The following NRXN3 variants were observed in gnomAD, a reference collection of about 807,000 sequenced individuals.
The protein encoded by NRXN3 is neurexin 3, also known as neurexin III.
NRXN3 carries 32 observed loss-of-function variants against 137.6 expected under a neutral mutation model. The ratio of observed to expected loss-of-function variants is 0.23; its 90% CI spans 0.18 to 0.31. NRXN3 has a LOEUF of 0.31. Among genes scored for constraint, NRXN3 ranks in the 10% least tolerant of loss-of-function variants. The pLI, the probability that NRXN3 is intolerant of heterozygous loss-of-function variation, is 1.00. For missense variants in NRXN3, 1,574 were observed against 2,062.5 expected (o/e 0.76, Z 4.59); for synonymous variants, 798 against 784.5 (o/e 1.02, Z -0.29).
At chr14:78,916,795 G>T (rs890929991) in intron 10 of NRXN3, among the ~76,000 whole-genome samples, 2 of 152,294 alleles carry the variant, frequency 1.3e-5, no homozygotes, top group East Asian at 1.9e-4. Flanking sequence ...TCGCAGTTCT[G>T]CAGGGTGGAC....
chr14:79,104,796 G>A (rs762800724), intron 15 of NRXN3, among the ~76,000 whole-genome samples: 1 of 148,182 alleles, frequency 6.7e-6, no homozygotes, highest in Non-Finnish European at 1.5e-5. Flanking sequence ...TTTTTCTGGG[G>A]TTTGTAAAAT....
intron 15 of NRXN3, among the ~76,000 whole-genome samples, chr14:79,227,957 C>A (rs901950672): frequency 2.0e-5 from 3 of 151,886 alleles, no homozygotes; most frequent in African/African-American, 7.3e-5. Flanking sequence ...ACATCTTTCC[C>A]CAAAGCAATA....
chr14:79,357,549 G>A (rs974011642), intron 15 of NRXN3, among the ~76,000 whole-genome samples: 7 of 152,030 alleles, frequency 4.6e-5, no homozygotes, highest in Non-Finnish European at 1.0e-4. Context: ...TGACTTCCAG[G>A]TGACCCACTT....
chr14:79,094,979 A>AGAGTGTGTGT lies in NRXN3; in HGVS notation c.3262+106839_3262+106840insAGTGTGTGTG, dbSNP rs553957969. Among the ~76,000 whole-genome samples, 1,123 of 115,902 alleles carry AGAGTGTGTGT rather than the reference A, an allele frequency of 9.7e-3. 9 individuals are homozygous for AGAGTGTGTGT. Among genetic ancestry groups the AGAGTGTGTGT allele is most frequent in the South Asian group, 0.015 (44 of 2,936 alleles). 76.0% of individuals were successfully genotyped at this position (115,902 alleles called of 152,430 possible). On this transcript the variant is annotated intron_variant, in intron 15 of 20. Coordinates refer to ENST00000335750, the MANE Select transcript of NRXN3 (RefSeq NM_001330195.2). Reference sequence around the variant, plus strand: ...GAGAGAGAGAGAGAGAGAGAGAGAGAGTGTGTGTGTGTGTGTGTGTGTGTG... The same window carrying AGAGTGTGTGT: ...GAGAGAGAGAGAGAGAGAGAGAGAGAGAGTGTGTGTGTGTGTGTGTGTGTGTGTGTGTGTG...
At chr14:79,030,096 G>T (rs2099605123) in intron 15 of NRXN3, among the ~76,000 whole-genome samples, 1 of 133,020 alleles carries the variant, frequency 7.5e-6, no homozygotes, top group Non-Finnish European at 1.6e-5. Context: ...TGCTCAAGCT[G>T]GTCTTGAACT....
intron 4 of NRXN3, among the ~76,000 whole-genome samples, chr14:78,508,504 G>A (rs553827982): frequency 2.0e-5 from 3 of 152,254 alleles, no homozygotes; most frequent in Admixed American, 6.5e-5. Flanking sequence ...TTTTAAGGCT[G>A]TTTTATAGGT....
chr14:79,418,298 A>C (rs1047427378), intron 15 of NRXN3, among the ~76,000 whole-genome samples: 9 of 152,066 alleles, frequency 5.9e-5, no homozygotes, highest in African/African-American at 2.2e-4. Flanking sequence ...ATATTCTTTA[A>C]GTGTATTTTT....
intron 19 of NRXN3, among the ~76,000 whole-genome samples, chr14:79,768,687 A>G (rs1454699235): frequency 6.6e-6 from 1 of 152,250 alleles, no homozygotes; most frequent in East Asian, 1.9e-4. Flanking sequence ...ACAGAGCAGA[A>G]AAACTGGAAA....
At chr14:78,227,023 G>T (rs1407659191) in intron 1 of NRXN3, among the ~76,000 whole-genome samples, 1 of 152,186 alleles carries the variant, frequency 6.6e-6, no homozygotes, top group Non-Finnish European at 1.5e-5. Context: ...TGCAACTGAT[G>T]GGAAGGTAGC....
At chr14:78,291,795 C>T (rs553096723) in intron 3 of NRXN3, among the ~76,000 whole-genome samples, 5 of 152,114 alleles carry the variant, frequency 3.3e-5, no homozygotes, top group South Asian at 2.1e-4. Flanking sequence ...TTCTCTACTT[C>T]GCTATGAAAA....
chr14:79,158,473 T>C (rs946727454), intron 15 of NRXN3, among the ~76,000 whole-genome samples: 2 of 151,802 alleles, frequency 1.3e-5, no homozygotes, highest in Non-Finnish European at 2.9e-5. Context: ...GAAATATTAT[T>C]TGGAAGATGT....
intron 4 of NRXN3, among the ~76,000 whole-genome samples, chr14:78,610,957 C>G (rs2097295576): frequency 6.6e-6 from 1 of 152,150 alleles, no homozygotes; most frequent in South Asian, 2.1e-4. Context: ...GATAAGCCAG[C>G]TCCATGCTGT....
chr14:79,663,835 G>A lies in NRXN3; in HGVS notation c.3502G>A (p.Glu1168Lys). Residue 1168 changes from glutamate (E) to lysine (K), a missense_variant, in exon 17 of 21, where the codon GAG becomes AAG. By Grantham distance (56) the Glu-to-Lys change is moderately conservative (BLOSUM62 1). Around this residue, in one of 5 missense-constraint regions of NRXN3, gnomAD observed 133 missense variants for 241.8 expected, o/e 0.55. Coordinates refer to ENST00000335750, the MANE Select transcript of NRXN3 (RefSeq NM_001330195.2). ...TGGCACAGTTGACATCTCCATCAAA[G>A]AGGAGAGAACCCCTGTAAATGACGG... Reference protein sequence around the residue: ...NIGTVDISIKEERTPVNDGKY... With the variant: ...NIGTVDISIKKERTPVNDGKY... 2.5e-6 allele frequency: 4 copies of A among 1,613,360 alleles called. No individual in the cohort carries two copies. The highest frequency in any genetic ancestry group is 3.4e-6 in the Non-Finnish European group (4 of 1,179,604).
At chr14:79,543,149 A>G (rs1210876438) in intron 16 of NRXN3, among the ~76,000 whole-genome samples, 1 of 152,210 alleles carries the variant, frequency 6.6e-6, no homozygotes, top group Non-Finnish European at 1.5e-5. Flanking sequence ...GCACTGGGAT[A>G]TCTATCACAA....
chr14:78,573,894 C>G (rs914937664), intron 4 of NRXN3, among the ~76,000 whole-genome samples: 1 of 152,210 alleles, frequency 6.6e-6, no homozygotes, highest in Non-Finnish European at 1.5e-5. Context: ...ATTCAGAGAT[C>G]TTCATGGCAG....
At chr14:78,672,090 T>C (rs1269512994) in intron 6 of NRXN3, among the ~76,000 whole-genome samples, 1 of 152,164 alleles carries the variant, frequency 6.6e-6, no homozygotes, top group Non-Finnish European at 1.5e-5. Flanking sequence ...ACTTGAAAGA[T>C]CTAATCATAA....
intron 15 of NRXN3, among the ~76,000 whole-genome samples, chr14:79,171,017 T>C (rs1354505021): frequency 6.6e-6 from 1 of 152,040 alleles, no homozygotes; most frequent in African/African-American, 2.4e-5. Context: ...GCAAATAACC[T>C]TTTTAGGAGC....
At chr14:79,093,108 C>T (rs369370400) in intron 15 of NRXN3, among the ~76,000 whole-genome samples, 9 of 152,128 alleles carry the variant, frequency 5.9e-5, no homozygotes, top group Admixed American at 5.9e-4. Context: ...AACATACAGT[C>T]CATTCATTGT....
chr14:78,988,430 A>G (rs2099511639), intron 15 of NRXN3: 1 of 383,526 alleles, frequency 2.6e-6, no homozygotes, highest in East Asian at 5.8e-5. Flanking sequence ...TTCAGGCAAT[A>G]TTTTTGTTGT....
Sources: gnomAD v4.1 joint callset for allele counts (sites outside exome capture counted in the v4.1 genomes callset) on GRCh38, gnomAD v4.1.1 for gene constraint, gnomAD v4.1.1 regional missense constraint, MANE v1.5 for transcripts, NCBI Gene and HGNC (gene_info 2026-07-23, HGNC 2026-07-21) for gene names.